Variants in GRAMD1B observed in about 807,000 individuals in gnomAD.
The protein encoded by GRAMD1B is GRAM domain containing 1B, also known as protein Aster-B.
Under a neutral mutation model 99.7 loss-of-function variants are expected in GRAMD1B, and 37 were observed. That is an observed-to-expected ratio of 0.37 (90% CI 0.29 to 0.49). GRAMD1B has a LOEUF of 0.49. GRAMD1B is among the 20% of genes least tolerant of loss of function. The pLI, the probability that GRAMD1B is intolerant of heterozygous loss-of-function variation, is 0.98. For synonymous variants in GRAMD1B, 427 were observed against 387.6 expected, an observed-to-expected ratio of 1.10 and a Z score of -1.19; for missense variants, 888 against 1,009.2, an observed-to-expected ratio of 0.88 and a Z score of 1.63.
At position 123,363,151 on chromosome 11, in the gene GRAMD1B, G is replaced by A. The variant is rs1946202277; in HGVS notation, c.-176+4352G>A. Among the ~76,000 whole-genome samples, 3 of 152,186 alleles carry A rather than the reference G, an allele frequency of 2.0e-5. No individual in the cohort carries two copies. In the South Asian group the frequency reaches 6.2e-4, roughly 32 times the overall value. ...TTCCTCTGGCAGAGGGAGAATGCAA[G>A]CGAGCCAGCAGAACAGCGTGGTTTT... is the stretch of plus-strand genomic sequence containing the variant. On this transcript the variant is annotated intron_variant, in intron 1 of 20. Coordinates refer to the GRAMD1B transcript ENST00000638157.
rs1939815137 is a variant in GRAMD1B at position 123,501,177 on chromosome 11, T to C, written c.452+20284T>C. Among the ~76,000 whole-genome samples, 3 of 152,126 alleles carry C rather than the reference T, an allele frequency of 2.0e-5. No homozygotes were observed. The South Asian group carries it at 6.2e-4, about 32-fold the overall frequency. On this transcript the variant is annotated intron_variant, in intron 2 of 19. Coordinates refer to ENST00000635736, the MANE Select transcript of GRAMD1B (RefSeq NM_001387025.1). Reference sequence around the variant, plus strand: ...TTTTTGTTTGTTTATTTTTATTTTATTTTTATTTTTTGAGACAGAGTCTCG... The same window carrying C: ...TTTTTGTTTGTTTATTTTTATTTTACTTTTATTTTTTGAGACAGAGTCTCG...
chr11:123,617,390 T>C (rs574541072), intron 17 of GRAMD1B, among the ~76,000 whole-genome samples: 1 of 152,262 alleles, frequency 6.6e-6, no homozygotes, highest in African/African-American at 2.4e-5. Context: ...GGTTTTGCTA[T>C]GTTGCCCAGG....
intron 2 of GRAMD1B, among the ~76,000 whole-genome samples, chr11:123,542,354 C>A (rs1286812562): frequency 6.6e-6 from 1 of 152,140 alleles, no homozygotes; most frequent in South Asian, 2.1e-4. Context: ...CCATAGGGAA[C>A]GTGGAAGGAA....
intron 3 of GRAMD1B, among the ~76,000 whole-genome samples, chr11:123,583,291 T>TGTGTGTGCATGTGTGTGTG (rs1949636527): frequency 8.7e-6 from 1 of 115,214 alleles, no homozygotes; most frequent in African/African-American, 2.6e-5. Flanking sequence ...GTGTGTGTGG[T>TGTGTGTGCATGTGTGTGTG]GTGTGTGAAT....
At chr11:123,432,336 C>T (rs35893972) in intron 1 of GRAMD1B, among the ~76,000 whole-genome samples, 2,472 of 152,174 alleles carry the variant, frequency 0.016, 69 homozygotes, top group African/African-American at 0.056. Flanking sequence ...GCGTGTGGAT[C>T]ACTTGAGGTC....
At chr11:123,478,529 G>A (rs1565533182) in intron 1 of GRAMD1B, among the ~76,000 whole-genome samples, 2 of 152,204 alleles carry the variant, frequency 1.3e-5, no homozygotes, top group East Asian at 1.9e-4. Flanking sequence ...TCCTGGTTCC[G>A]GTTCCTGAGG....
At chr11:123,503,245 G>T (rs1247086667) in intron 2 of GRAMD1B, among the ~76,000 whole-genome samples, 1 of 152,148 alleles carries the variant, frequency 6.6e-6, no homozygotes, top group Non-Finnish European at 1.5e-5. Context: ...TTCCATTTTT[G>T]AAGCACTTGA....
At chr11:123,436,912 C>T (rs1232568902) in intron 1 of GRAMD1B, among the ~76,000 whole-genome samples, 1 of 152,154 alleles carries the variant, frequency 6.6e-6, no homozygotes, top group African/African-American at 2.4e-5. Flanking sequence ...GCTCACCCTA[C>T]CCCACAACAG....
chr11:123,488,167 T>C (rs1938096309), intron 2 of GRAMD1B, among the ~76,000 whole-genome samples: 1 of 152,156 alleles, frequency 6.6e-6, no homozygotes, highest in Non-Finnish European at 1.5e-5. Context: ...ACTAATTACA[T>C]TCATGAGGGC....
At chr11:123,509,529 C>A (rs1451231153) in intron 2 of GRAMD1B, among the ~76,000 whole-genome samples, 5 of 152,230 alleles carry the variant, frequency 3.3e-5, no homozygotes, top group African/African-American at 1.2e-4. Flanking sequence ...CCAGAGCGTA[C>A]ACCCCGTTTC....
At chr11:123,532,325 T>C (rs1943477427) in intron 2 of GRAMD1B, among the ~76,000 whole-genome samples, 1 of 152,154 alleles carries the variant, frequency 6.6e-6, no homozygotes, top group Admixed American at 6.5e-5. Context: ...CTCTTAATGC[T>C]CCTCCCTGAA....
At chr11:123,395,682 C>T (rs1197324981) in intron 1 of GRAMD1B, among the ~76,000 whole-genome samples, 15 of 152,180 alleles carry the variant, frequency 9.9e-5, no homozygotes, top group Admixed American at 9.8e-4. Flanking sequence ...CAGGCTGCAC[C>T]TCAGACCAAA....
chr11:123,583,251 G>A (rs1167317557), intron 3 of GRAMD1B, among the ~76,000 whole-genome samples: 1 of 151,040 alleles, frequency 6.6e-6, no homozygotes, highest in East Asian at 2.0e-4. Context: ...CTGTGTGAAT[G>A]TGTGTGCACA....
intron 7 of GRAMD1B, chr11:123,598,165 T>A: frequency 1.3e-6 from 2 of 1,541,078 alleles, no homozygotes; most frequent in Non-Finnish European, 1.8e-6. Context: ...ATGAGCATGA[T>A]GCCATTCAGC....
rs1955257565 is a variant in GRAMD1B, at chr11:123,622,544, G to T, written c.2583G>T (p.Arg861Ser). The T allele has an allele frequency of 6.4e-7, 1 of 1,557,870 alleles. No individual in the cohort carries two copies. The highest frequency in any genetic ancestry group is 8.7e-7 in the Non-Finnish European group (1 of 1,150,982). ...TCATCAACCTTCAGAACGGCATCAG[G>T]TCCCGCGACTACACGTCGGAAAGTG... Reference protein sequence around the residue: ...DSLINLQNGIRSRDYTSESEE... With the variant: ...DSLINLQNGISSRDYTSESEE... Residue 861 changes from arginine (R) to serine (S), a missense_variant, in exon 20 of 20, where the codon AGG becomes AGT. Around this residue, in one of 5 missense-constraint regions of GRAMD1B, gnomAD observed 232 missense variants for 261.7 expected, o/e 0.89. Coordinates refer to ENST00000635736, the MANE Select transcript of GRAMD1B (RefSeq NM_001387025.1).
chr11:123,462,366 G>A (rs998379022), intron 1 of GRAMD1B, among the ~76,000 whole-genome samples: 2 of 139,518 alleles, frequency 1.4e-5, no homozygotes, highest in Non-Finnish European at 3.1e-5. Flanking sequence ...GAGCAGACTC[G>A]TTACTTCTTG....
At chr11:123,597,870 G>T in intron 7 of GRAMD1B, 2 of 782,190 alleles carry the variant, frequency 2.6e-6, no homozygotes, top group Non-Finnish European at 4.6e-6. Context: ...AGAGGATTTG[G>T]TTGGGAGAAA....
chr11:123,601,243 A>G (rs1951919866), intron 8 of GRAMD1B, among the ~76,000 whole-genome samples: 1 of 152,194 alleles, frequency 6.6e-6, no homozygotes, highest in Non-Finnish European at 1.5e-5. Flanking sequence ...CAGAAAATGT[A>G]GTTAACACAG....
intron 2 of GRAMD1B, among the ~76,000 whole-genome samples, chr11:123,555,755 A>G (rs1252230762): frequency 1.3e-5 from 2 of 151,884 alleles, no homozygotes; most frequent in African/African-American, 4.8e-5. Context: ...TTTTTTTAAA[A>G]CGGAGTTTTG....
Sources: allele counts gnomAD v4.1 joint callset (sites outside exome capture counted in the v4.1 genomes callset), GRCh38; gene constraint gnomAD v4.1.1; regional missense constraint gnomAD v4.1.1; transcripts MANE v1.5; gene names NCBI Gene and HGNC (gene_info 2026-07-23, HGNC 2026-07-21).